The following GRIK2 variants were observed in gnomAD, a reference collection of about 807,000 sequenced individuals.
The protein encoded by GRIK2 is glutamate ionotropic receptor kainate type subunit 2, also known as glutamate receptor ionotropic, kainate 2.
GRIK2 carries 32 observed loss-of-function variants against 100.3 expected under a neutral mutation model. That is an observed-to-expected ratio of 0.32 (90% CI 0.24 to 0.43). The LOEUF (loss-of-function observed/expected upper bound fraction) is 0.43. Among genes scored for constraint, GRIK2 ranks in the 20% least tolerant of loss-of-function variants. GRIK2 has a pLI of 1.00. For missense variants in GRIK2, 843 were observed against 1,114.9 expected (o/e 0.76, Z 3.47); for synonymous variants, 417 against 389.4 (o/e 1.07, Z -0.83).
At chr6:101,571,282 G>C (rs1777516429) in intron 2 of GRIK2, among the ~76,000 whole-genome samples, 2 of 151,882 alleles carry the variant, frequency 1.3e-5, no homozygotes, top group South Asian at 4.2e-4. Flanking sequence ...ATCTACATTA[G>C]GTATATCTCC....
chr6:101,673,609 A>G (rs1269958572), intron 4 of GRIK2, among the ~76,000 whole-genome samples: 1 of 152,124 alleles, frequency 6.6e-6, no homozygotes, highest in Non-Finnish European at 1.5e-5. Context: ...ATTCTTCTAT[A>G]TGCATTCCTT....
At chr6:101,520,264 T>C (rs1478839803) in intron 2 of GRIK2, among the ~76,000 whole-genome samples, 1 of 150,952 alleles carries the variant, frequency 6.6e-6, no homozygotes, top group Non-Finnish European at 1.5e-5. Context: ...TAACTGCTAT[T>C]ATCTTAGGAA....
chr6:101,923,947 A>C (rs78068754), intron 12 of GRIK2, among the ~76,000 whole-genome samples: 4,128 of 146,538 alleles, frequency 0.028, 68 homozygotes, highest in Admixed American at 0.061. Context: ...AAAAAAAAAA[A>C]CCACAACGCT....
intron 7 of GRIK2, among the ~76,000 whole-genome samples, chr6:101,794,057 G>A (rs576349990): frequency 9.9e-5 from 15 of 152,252 alleles, no homozygotes; most frequent in South Asian, 2.1e-4. Context: ...TCCTAAGCCC[G>A]TCAGAAAAGC....
At chr6:101,817,681 T>C (rs1292257515) in intron 9 of GRIK2, among the ~76,000 whole-genome samples, 1 of 152,214 alleles carries the variant, frequency 6.6e-6, no homozygotes, top group Admixed American at 6.5e-5. Context: ...ATACAAAATG[T>C]CTAAACACTG....
chr6:101,552,009 C>T (rs1776536161), intron 2 of GRIK2, among the ~76,000 whole-genome samples: 1 of 152,050 alleles, frequency 6.6e-6, no homozygotes, highest in Admixed American at 6.6e-5. Flanking sequence ...TTGGATGAAC[C>T]TGAATTTGGT....
At chr6:102,030,241 T>C (rs1769912618) in intron 14 of GRIK2, among the ~76,000 whole-genome samples, 1 of 151,120 alleles carries the variant, frequency 6.6e-6, no homozygotes, top group Non-Finnish European at 1.5e-5. Flanking sequence ...CATTATTGAT[T>C]GTTCTTTCTT....
At chr6:101,692,692 A>G (rs1461954903) in intron 7 of GRIK2, among the ~76,000 whole-genome samples, 2 of 152,104 alleles carry the variant, frequency 1.3e-5, no homozygotes, top group East Asian at 3.8e-4. Flanking sequence ...ATATTTACCA[A>G]GAATTTAACA....
chr6:101,526,670 C>G (rs961700550), intron 2 of GRIK2, among the ~76,000 whole-genome samples: 1 of 152,068 alleles, frequency 6.6e-6, no homozygotes, highest in Non-Finnish European at 1.5e-5. Flanking sequence ...TCACTTCTTA[C>G]CATACAGAGG....
intron 14 of GRIK2, among the ~76,000 whole-genome samples, chr6:101,960,799 T>G (rs533149769): frequency 6.6e-6 from 1 of 152,304 alleles, no homozygotes; most frequent in South Asian, 2.1e-4. Context: ...AATTTGATTG[T>G]GCAGTCCAAT....
intron 10 of GRIK2, among the ~76,000 whole-genome samples, chr6:101,852,775 G>A (rs1371754016): frequency 6.6e-6 from 1 of 152,084 alleles, no homozygotes; most frequent in African/African-American, 2.4e-5. Context: ...TTTCACCACA[G>A]GGCTTCTTCC....
Position 101,859,435 on chromosome 6 carries a change from G to A in GRIK2, c.1466G>A (p.Gly489Glu). 6.2e-7 allele frequency: 1 copy of A among 1,610,446 alleles called. No individual in the cohort carries two copies. The highest frequency in any genetic ancestry group is 8.5e-7 in the Non-Finnish European group (1 of 1,176,940). The change falls in exon 11 of 17, where the codon GGA becomes GAA. Residue 489 changes from glycine (G) to glutamate (E), a missense_variant. By Grantham distance (98) the Gly-to-Glu change is moderately conservative. Around this residue, in one of 3 missense-constraint regions of GRIK2, gnomAD observed 519 missense variants for 643.8 expected, o/e 0.81. Coordinates refer to ENST00000369134, the MANE Select transcript of GRIK2 (RefSeq NM_021956.5). Reference sequence around the variant, plus strand: ...AGACTTGTGGAAGATGGGAAATATGGAGCCCAGGATGATGCCAATGGACAA... The same window carrying A: ...AGACTTGTGGAAGATGGGAAATATGAAGCCCAGGATGATGCCAATGGACAA... ...EIRLVEDGKY[G>E]AQDDANGQWN...
At chr6:101,540,901 T>C (rs1406347770) in intron 2 of GRIK2, among the ~76,000 whole-genome samples, 2 of 151,948 alleles carry the variant, frequency 1.3e-5, no homozygotes, top group Non-Finnish European at 2.9e-5. Flanking sequence ...TTACATGATA[T>C]ATTAGAGCCA....
intron 2 of GRIK2, among the ~76,000 whole-genome samples, chr6:101,512,665 T>C (rs1320247048): frequency 6.6e-6 from 1 of 150,828 alleles, no homozygotes. Context: ...CTCTTCATAG[T>C]ATTAACTTTT....
chr6:101,591,524 T>TC (rs1778638530), intron 2 of GRIK2, among the ~76,000 whole-genome samples: 2 of 152,086 alleles, frequency 1.3e-5, no homozygotes. Context: ...AGTTATTTTT[T>TC]CTCTCATTTT....
intron 15 of GRIK2, among the ~76,000 whole-genome samples, chr6:102,047,158 G>A (rs889112798): frequency 1.3e-5 from 2 of 151,876 alleles, no homozygotes; most frequent in South Asian, 4.1e-4. Flanking sequence ...AGCTAGAAAA[G>A]GAAGAACAAA....
At chr6:101,872,653 A>G (rs1246886306) in intron 11 of GRIK2, among the ~76,000 whole-genome samples, 1 of 151,834 alleles carries the variant, frequency 6.6e-6, no homozygotes, top group African/African-American at 2.4e-5. Context: ...GCACTCATCA[A>G]TAATTCCCCC....
At chr6:101,890,976 C>CATATAT (rs61125711) in intron 12 of GRIK2, among the ~76,000 whole-genome samples, 2,081 of 146,650 alleles carry the variant, frequency 0.014, 23 homozygotes, top group Non-Finnish European at 0.02. Flanking sequence ...ATAAAGTGTA[C>CATATAT]ATATATATAT....
chr6:101,890,262 C>A (rs1786958047), intron 12 of GRIK2: 1 of 156,640 alleles, frequency 6.4e-6, no homozygotes, highest in Admixed American at 6.4e-5. Flanking sequence ...AAAAGGAGGC[C>A]TTTTTTAAGG....
Sources: gnomAD v4.1 joint callset for allele counts (sites outside exome capture counted in the v4.1 genomes callset) on GRCh38, gnomAD v4.1.1 for gene constraint, gnomAD v4.1.1 regional missense constraint, MANE v1.5 for transcripts, NCBI Gene and HGNC (gene_info 2026-07-23, HGNC 2026-07-21) for gene names.